ABCA13: variants seen among roughly 807,000 people sequenced by gnomAD.
ABCA13 encodes the protein ATP-binding cassette sub-family A member 13.
Under a neutral mutation model 478.7 loss-of-function variants are expected in ABCA13, and 476 were observed. That is an observed-to-expected ratio of 0.99 (90% CI 0.92 to 1.07). The LOEUF (loss-of-function observed/expected upper bound fraction) is 1.07. ABCA13 is among the 50% of genes least tolerant of loss of function. The pLI is 0.00. For synonymous variants in ABCA13, 2,252 were observed against 2,158.9 expected (o/e 1.04, Z -1.20); for missense variants, 6,060 against 5,910.6 (o/e 1.03, Z -0.83).
chr7:48,410,711 C>G, intron 40 of ABCA13, 34 bp downstream of exon 40: 1 of 1,587,238 alleles, frequency 6.3e-7, no homozygotes, highest in Non-Finnish European at 8.6e-7. Flanking sequence ...TCACTGAAGT[C>G]CCATTTCTGT....
intron 15 of ABCA13, among the ~76,000 whole-genome samples, chr7:48,252,247 T>A (rs1254738456): frequency 2.6e-5 from 4 of 152,138 alleles, no homozygotes; most frequent in African/African-American, 9.7e-5. Context: ...GGCCCATCTT[T>A]AAGTTTGTGG....
At chr7:48,262,837 A>G (rs1794376594) in intron 15 of ABCA13, among the ~76,000 whole-genome samples, 1 of 151,986 alleles carries the variant, frequency 6.6e-6, no homozygotes, top group African/African-American at 2.4e-5. Context: ...CAACTGAAAG[A>G]AGAGTGTTCA....
At chr7:48,556,431 G>A (rs1193105699) in intron 55 of ABCA13, among the ~76,000 whole-genome samples, 1 of 151,798 alleles carries the variant, frequency 6.6e-6, no homozygotes, top group African/African-American at 2.4e-5. Flanking sequence ...TTATATTGAG[G>A]TCTATCTCTC....
chr7:48,464,742 G>A (rs539009453), intron 43 of ABCA13, among the ~76,000 whole-genome samples: 3 of 152,234 alleles, frequency 2.0e-5, no homozygotes, highest in East Asian at 1.9e-4. Context: ...AACTTGGTTC[G>A]ACACATCATT....
chr7:48,356,579 AT>A (rs1293944494), intron 31 of ABCA13, among the ~76,000 whole-genome samples: 2 of 151,780 alleles, frequency 1.3e-5, no homozygotes, highest in Non-Finnish European at 2.9e-5. Flanking sequence ...GTTTAACTCT[AT>A]TTAACTAAAA....
chr7:48,479,171 C>T (rs1460125659), intron 45 of ABCA13, among the ~76,000 whole-genome samples: 5 of 151,678 alleles, frequency 3.3e-5, no homozygotes, highest in African/African-American at 4.8e-5. Flanking sequence ...AGGATGGTCT[C>T]GATCTCCTGA....
chr7:48,456,599 T>C (rs1443110863), intron 43 of ABCA13, among the ~76,000 whole-genome samples: 1 of 152,216 alleles, frequency 6.6e-6, no homozygotes, highest in Admixed American at 6.5e-5. Context: ...GTATTTGTTA[T>C]CACAATGAGA....
At position 48,352,278 on chromosome 7, in the gene ABCA13, A is replaced by G. The variant is rs771690704; in HGVS notation, c.10479A>G (p.Leu3493=). Reference sequence around the variant, plus strand: ...CATACACAATCCGGACCAATGTGTTATACAGCGTGCGAACAGATGTGGTAA... The same window carrying G: ...CATACACAATCCGGACCAATGTGTTGTACAGCGTGCGAACAGATGTGGTAA... ...HVSYTIRTNV[L]YSVRTDVVKN... The change falls in exon 31 of 62, where the codon TTA becomes TTG. Residue 3493 remains leucine (L), a synonymous_variant. Transcript: ENST00000435803. 3 of 1,613,880 alleles carry G rather than the reference A, an allele frequency of 1.9e-6. No individual in the cohort carries two copies. In the South Asian group the frequency reaches 3.3e-5, roughly 18 times the overall value.
rs1257342758 is a variant in ABCA13 at position 48,516,639 on chromosome 7, C to T, written c.13641-86C>T. 7 of 1,373,580 alleles carry T rather than the reference C, an allele frequency of 5.1e-6. No individual in the cohort carries two copies. In the East Asian group the frequency reaches 9.2e-5, roughly 18 times the overall value. The allele number at this position is 1,373,580 out of a possible 1,614,324, so 85.1% of individuals were successfully genotyped here. A position where few individuals can be genotyped will look rare whatever the true frequency, so the allele number is the denominator to read the frequency against. ...ATATCTGCATTTTCAGGGATTCACC[C>T]CAAGGTCTTAGAATGTATCTGCCAT... On this transcript the variant is annotated intron_variant, in intron 51 of 61. Coordinates refer to ENST00000435803, the MANE Select transcript of ABCA13 (RefSeq NM_152701.5).
chr7:48,529,168 C>A (rs1490367272), intron 55 of ABCA13, among the ~76,000 whole-genome samples: 1 of 152,176 alleles, frequency 6.6e-6, no homozygotes, highest in South Asian at 2.1e-4. Context: ...CTCTCTACTG[C>A]AAGAAGAAAT....
chr7:48,181,009 G>A lies in ABCA13; in HGVS notation c.69+9457G>A, dbSNP rs142788957. Among the ~76,000 whole-genome samples the A allele has an allele frequency of 3.5e-3, 538 of 152,258 alleles. 1 individual carries two copies. The highest frequency in any genetic ancestry group is 5.1e-3 in the Non-Finnish European group (345 of 68,016). On this transcript the variant is annotated intron_variant, in intron 1 of 61. Coordinates refer to ENST00000435803, the MANE Select transcript of ABCA13 (RefSeq NM_152701.5). ...AATCCCAGATTCTAAGTAGTAATAT[G>A]GCTAAGCCCAAAGGGAACTCAAATT...
intron 55 of ABCA13, among the ~76,000 whole-genome samples, chr7:48,579,184 A>G (rs1788467535): frequency 6.6e-6 from 1 of 152,146 alleles, no homozygotes; most frequent in Admixed American, 6.5e-5. Context: ...CACTGTTAAG[A>G]CATTAAAAAG....
intron 42 of ABCA13, among the ~76,000 whole-genome samples, chr7:48,447,133 C>T (rs984667398): frequency 6.6e-6 from 1 of 152,156 alleles, no homozygotes; most frequent in Admixed American, 6.5e-5. Flanking sequence ...AGATATTTAA[C>T]AAAAGATGAG....
intron 55 of ABCA13, among the ~76,000 whole-genome samples, chr7:48,566,592 C>G (rs1198624470): frequency 1.3e-5 from 2 of 152,166 alleles, no homozygotes; most frequent in Non-Finnish European, 2.9e-5. Context: ...ATAATAAGCT[C>G]TTGCCTTGCT....
At chr7:48,550,020 C>A (rs1180054856) in intron 55 of ABCA13, among the ~76,000 whole-genome samples, 2 of 151,936 alleles carry the variant, frequency 1.3e-5, no homozygotes, top group East Asian at 3.9e-4. Flanking sequence ...GTTCCCTGTT[C>A]AGTCTGATGC....
chr7:48,231,375 A>C (rs1789052730), intron 7 of ABCA13, among the ~76,000 whole-genome samples: 1 of 152,178 alleles, frequency 6.6e-6, no homozygotes, highest in East Asian at 1.9e-4. Context: ...GAGCATTTCC[A>C]GGAAGAGAGA....
chr7:48,594,604 A>G (rs1563481965), intron 57 of ABCA13, 106 bp from the exon 58 acceptor site: 22 of 990,216 alleles, frequency 2.2e-5, no homozygotes, highest in Non-Finnish European at 2.6e-5. Flanking sequence ...TTTTAGAGCC[A>G]GAGCAGAGAT....
chr7:48,487,308 CAAAAA>C (rs201286870), intron 47 of ABCA13, among the ~76,000 whole-genome samples: 2 of 110,856 alleles, frequency 1.8e-5, no homozygotes, highest in Non-Finnish European at 1.8e-5. Flanking sequence ...AACTGTGTCT[CAAAAA>C]AAAAACAAAA....
intron 29 of ABCA13, among the ~76,000 whole-genome samples, chr7:48,342,704 A>G (rs972897714): frequency 6.6e-6 from 1 of 152,238 alleles, no homozygotes; most frequent in African/African-American, 2.4e-5. Flanking sequence ...AACTCTTCTA[A>G]ACAAGATGAA....
Sources: allele counts gnomAD v4.1 joint callset (sites outside exome capture counted in the v4.1 genomes callset), GRCh38; gene constraint gnomAD v4.1.1; transcripts MANE v1.5; gene names NCBI Gene and HGNC (gene_info 2026-07-23, HGNC 2026-07-21).